ERCC6L2: variants seen among roughly 807,000 people sequenced by gnomAD.
ERCC6L2 encodes the protein ERCC excision repair 6 like 2, also known as DNA excision repair protein ERCC-6-like 2.
ERCC6L2 carries 77 observed loss-of-function variants against 132.0 expected under a neutral mutation model. That is an observed-to-expected ratio of 0.58 (90% CI 0.49 to 0.71). The LOEUF is 0.71. Ranked by LOEUF, ERCC6L2 falls within the 30% of genes least tolerant of loss-of-function variation. The pLI is 0.00. For synonymous variants in ERCC6L2, 583 were observed against 632.4 expected, an observed-to-expected ratio of 0.92 and a Z score of 1.17; for missense variants, 1,542 against 1,837.6, an observed-to-expected ratio of 0.84 and a Z score of 2.94.
At chr9:95,921,529 A>G (rs1372299054) in intron 7 of ERCC6L2, among the ~76,000 whole-genome samples, 6 of 152,238 alleles carry the variant, frequency 3.9e-5, no homozygotes, top group Admixed American at 2.6e-4. Context: ...AGTTAATTGC[A>G]GAAAGTAAGC....
chr9:96,029,235 C>T (rs973147974), intron 19 of ERCC6L2, among the ~76,000 whole-genome samples: 13 of 134,532 alleles, frequency 9.7e-5, no homozygotes, highest in African/African-American at 1.6e-4. Flanking sequence ...ACCCAGGAGG[C>T]GGAGGTTGCA....
At chr9:95,966,926 A>G in intron 14 of ERCC6L2, 1 of 369,536 alleles carries the variant, frequency 2.7e-6, no homozygotes, top group Non-Finnish European at 4.8e-6. Flanking sequence ...AATAATGCAC[A>G]CACACAAATG....
intron 2 of ERCC6L2, among the ~76,000 whole-genome samples, chr9:95,884,489 C>CT (rs3991619): frequency 0.13 from 18,803 of 145,236 alleles, 1,364 homozygotes; most frequent in East Asian, 0.18. Context: ...TTCTTTTCTT[C>CT]TTTTTTTTTT....
At chr9:95,910,266 T>C (rs1381722027) in intron 4 of ERCC6L2, among the ~76,000 whole-genome samples, 2 of 152,208 alleles carry the variant, frequency 1.3e-5, no homozygotes, top group African/African-American at 4.8e-5. Flanking sequence ...GAGGTGCACA[T>C]GCATTTATGA....
At chr9:95,943,344 T>C (rs905864461) in intron 12 of ERCC6L2, among the ~76,000 whole-genome samples, 1 of 152,128 alleles carries the variant, frequency 6.6e-6, no homozygotes, top group African/African-American at 2.4e-5. Context: ...AGTTCTCAAA[T>C]TGTATGCCAA....
chr9:96,012,523 C>T lies in ERCC6L2; in HGVS notation c.3973C>T (p.Gln1325Ter). 7.3e-7 allele frequency: 1 copy of T among 1,367,496 alleles called. No individual in the cohort carries two copies. Among genetic ancestry groups the T allele is most frequent in the South Asian group, 1.1e-5 (1 of 87,994 alleles). The allele number at this position is 1,367,496 out of a possible 1,614,324, so 84.7% of individuals were successfully genotyped here. ...TAAAGATTCTACCAACAAAATTTCTCAAGTTTGCAGCCTAAAAACATATAA... is the reference window on the plus strand; with the variant it reads ...TAAAGATTCTACCAACAAAATTTCTTAAGTTTGCAGCCTAAAAACATATAA... ...SFKDSTNKIS[Q>*]VCSLKTYKRK... The change falls in exon 19 of 19, where the codon CAA (glutamine) becomes TAA (stop). Residue 1325 changes from glutamine (Q) to a stop codon, truncating the protein, a stop_gained. Transcript: ENST00000653738. LOFTEE classifies it low-confidence loss of function (END_TRUNC).
At chr9:96,036,828 G>C (rs530546322) in intron 19 of ERCC6L2, among the ~76,000 whole-genome samples, 1 of 146,908 alleles carries the variant, frequency 6.8e-6, no homozygotes, top group African/African-American at 2.5e-5. Context: ...GTGCAGTGGC[G>C]GGATCTCGGC....
intron 17 of ERCC6L2, among the ~76,000 whole-genome samples, chr9:95,979,304 T>C (rs903872025): frequency 6.6e-6 from 1 of 152,168 alleles, no homozygotes; most frequent in Non-Finnish European, 1.5e-5. Flanking sequence ...TCCAAATGGC[T>C]ATCCTGGACA....
At chr9:95,969,701 A>G (rs1265785667) in intron 14 of ERCC6L2, among the ~76,000 whole-genome samples, 1 of 152,186 alleles carries the variant, frequency 6.6e-6, no homozygotes, top group East Asian at 1.9e-4. Context: ...TTGCTGTAAT[A>G]GCTTCCAGGC....
At chr9:95,980,875 C>T (rs970711698) in intron 17 of ERCC6L2, among the ~76,000 whole-genome samples, 1 of 152,170 alleles carries the variant, frequency 6.6e-6, no homozygotes, top group Non-Finnish European at 1.5e-5. Context: ...AGACCTCCCA[C>T]CGATGTTACA....
chr9:96,008,940 A>G (rs1374457783), intron 18 of ERCC6L2, among the ~76,000 whole-genome samples: 4 of 152,252 alleles, frequency 2.6e-5, no homozygotes, highest in African/African-American at 7.2e-5. Flanking sequence ...TAAGCGAGAA[A>G]GCAGCCTTCA....
At chr9:95,939,368 G>GC (rs1830698129) in intron 11 of ERCC6L2, among the ~76,000 whole-genome samples, 2 of 151,094 alleles carry the variant, frequency 1.3e-5, no homozygotes, top group Non-Finnish European at 2.9e-5. Flanking sequence ...GTTTTCGTTA[G>GC]TCTGAGAATG....
At chr9:95,954,218 C>G (rs999102317) in intron 12 of ERCC6L2, among the ~76,000 whole-genome samples, 1 of 152,194 alleles carries the variant, frequency 6.6e-6, no homozygotes, top group African/African-American at 2.4e-5. Flanking sequence ...CCTCTCTCCA[C>G]AGACAGCTGT....
intron 2 of ERCC6L2, among the ~76,000 whole-genome samples, chr9:95,892,400 A>G (rs541788736): frequency 1.7e-4 from 26 of 149,766 alleles, no homozygotes; most frequent in African/African-American, 5.9e-4. Context: ...CTAAAAGTCA[A>G]GTTTCTCGGT....
At chr9:96,008,169 A>G (rs1833920729) in intron 18 of ERCC6L2, among the ~76,000 whole-genome samples, 2 of 152,056 alleles carry the variant, frequency 1.3e-5, no homozygotes, top group Non-Finnish European at 2.9e-5. Flanking sequence ...CTAAGTTTGC[A>G]TGCGTTCTCT....
intron 11 of ERCC6L2, among the ~76,000 whole-genome samples, chr9:95,936,016 G>C (rs1366979681): frequency 6.6e-6 from 1 of 152,120 alleles, no homozygotes; most frequent in Non-Finnish European, 1.5e-5. Flanking sequence ...TGAAGTAAGA[G>C]AGGACAATCA....
At chr9:95,898,463 CT>C (rs1193651240) in intron 3 of ERCC6L2, among the ~76,000 whole-genome samples, 2 of 152,054 alleles carry the variant, frequency 1.3e-5, no homozygotes, top group African/African-American at 4.8e-5. Flanking sequence ...ATCAGAAAGA[CT>C]AGGTAGGTCT....
intron 2 of ERCC6L2, among the ~76,000 whole-genome samples, chr9:95,894,585 T>TC (rs1491390736): frequency 1.2e-5 from 1 of 86,148 alleles, no homozygotes; most frequent in African/African-American, 6.4e-5. Context: ...TATGTCAGCC[T>TC]TTTTTTTTTT....
chr9:95,997,764 C>G (rs966207071), intron 17 of ERCC6L2, among the ~76,000 whole-genome samples: 1 of 152,178 alleles, frequency 6.6e-6, no homozygotes, highest in Non-Finnish European at 1.5e-5. Flanking sequence ...CATCGTGTTG[C>G]CACAGTGTCA....
Sources: allele counts gnomAD v4.1 joint callset (sites outside exome capture counted in the v4.1 genomes callset), GRCh38; gene constraint gnomAD v4.1.1; transcripts MANE v1.5; gene names NCBI Gene and HGNC (gene_info 2026-07-23, HGNC 2026-07-21).